The following CLEC12B variants were observed in gnomAD, a reference collection of about 807,000 sequenced individuals.
CLEC12B encodes macrophage antigen h.
A neutral mutation model predicts 36.1 loss-of-function variants in CLEC12B; 25 were observed. The observed-to-expected ratio is 0.69, with a 90% confidence interval of 0.50 to 0.97. The LOEUF (loss-of-function observed/expected upper bound fraction) is 0.97. Ranked by LOEUF, CLEC12B falls within the 50% of genes least tolerant of loss-of-function variation. The pLI is 0.00. For synonymous variants in CLEC12B, 110 were observed against 108.5 expected, an observed-to-expected ratio of 1.01 and a Z score of -0.09; for missense variants, 325 against 318.4, an observed-to-expected ratio of 1.02 and a Z score of -0.16.
Position 10,018,751 on chromosome 12 carries a change from G to T in CLEC12B, c.*270G>T. The T allele has an allele frequency of 2.8e-6, 1 of 359,528 alleles. No homozygotes were observed. The highest frequency in any genetic ancestry group is 5.0e-6 in the Non-Finnish European group (1 of 201,250). The allele number at this position is 359,528 out of a possible 1,614,324, so 22.3% of individuals were successfully genotyped here. ...ATGATTGTCTCAGAATCATTTCACTGAATTTCTTTGCTTTCTCAAATAAAG... is the reference window on the plus strand; with the variant it reads ...ATGATTGTCTCAGAATCATTTCACTTAATTTCTTTGCTTTCTCAAATAAAG... On this transcript the variant is annotated 3_prime_UTR_variant, in exon 6 of 6. Coordinates refer to ENST00000338896, the MANE Select transcript of CLEC12B (RefSeq NM_001129998.3).
At chr12:10,010,218 A>T (rs925968376), upstream of CLEC12B, among the ~76,000 whole-genome samples, 1 of 151,664 alleles carries the variant, frequency 6.6e-6, no homozygotes, top group Non-Finnish European at 1.5e-5. Context: ...ACACACACAC[A>T]CACACACACA....
In CLEC12B at chr12:10,015,722, A is replaced by G. The variant is rs1865469748; in HGVS notation, c.675A>G (p.Pro225=). Residue 225 remains proline, a synonymous_variant, in exon 5 of 6, where the codon CCA becomes CCG. Transcript: ENST00000338896. ...WFWEDGSVPS[P]SLFSTKELDQ... is the part of the protein sequence containing the mutation. ...GGGAAGATGGCTCTGTTCCCTCTCC[A>G]TCCTTGTACGTCTCTAACTATTGAG... 2.5e-6 allele frequency: 4 copies of G among 1,613,446 alleles called. No individual in the cohort carries two copies. The highest frequency in any genetic ancestry group is 3.3e-5 in the Admixed American group (2 of 59,960).
intron 5 of CLEC12B, 21 bp downstream of exon 5, chr12:10,015,748 G>T (rs1865470904): frequency 6.2e-7 from 1 of 1,607,768 alleles, no homozygotes; most frequent in African/African-American, 1.3e-5. Context: ...AACTATTGAG[G>T]GTAAACACAA....
At chr12:10,014,411 C>T (rs1865420024) in intron 2 of CLEC12B, 112 bp from the exon 3 acceptor site, 9 of 716,902 alleles carry the variant, frequency 1.3e-5, no homozygotes, top group Non-Finnish European at 2.1e-5. Flanking sequence ...ACCTCAAATA[C>T]TAAGAGCTAC....
At chr12:10,017,710 A>G (rs1297907289) in intron 5 of CLEC12B, 2 of 925,178 alleles carry the variant, frequency 2.2e-6, no homozygotes, top group East Asian at 2.3e-4. Context: ...ATTTAGAAAA[A>G]AACAATGTTG....
intron 5 of CLEC12B, chr12:10,017,671 G>C (rs187604898): frequency 1.0e-6 from 1 of 974,504 alleles, no homozygotes; most frequent in Non-Finnish European, 1.2e-6. Context: ...CCTGAAGCAA[G>C]CAAAGAATAT....
chr12:10,012,926 C>T (rs1865368561), intron 2 of CLEC12B, 43 bp downstream of exon 2: 1 of 1,390,716 alleles, frequency 7.2e-7, no homozygotes, highest in Admixed American at 1.7e-5. Context: ...AACTAGAAAA[C>T]ATATTGTAAA....
rs112551662 is a variant in CLEC12B at position 10,010,705 on chromosome 12, G to A, written c.-55G>A. The A allele has an allele frequency of 2.6e-6, 3 of 1,172,552 alleles. No homozygotes were observed. The highest frequency in any genetic ancestry group is 3.8e-6 in the Non-Finnish European group (3 of 797,272). 72.6% of individuals were successfully genotyped at this position (1,172,552 alleles called of 1,614,324 possible). ...CTTGAAAAACACATGCTGTTCCCAGGCCTCAAGATATTGAAACATTAATTA... is the reference window on the plus strand; with the variant it reads ...CTTGAAAAACACATGCTGTTCCCAGACCTCAAGATATTGAAACATTAATTA... On this transcript the variant is annotated 5_prime_UTR_variant, in exon 1 of 6. Transcript: ENST00000338896.
At position 10,018,357 on chromosome 12, in the gene CLEC12B, T is replaced by C. The variant is rs1865538090; in HGVS notation, c.707T>C (p.Ile236Thr). The C allele has an allele frequency of 6.6e-7, 1 of 1,513,454 alleles. No individual in the cohort carries two copies. The allele number at this position is 1,513,454 out of a possible 1,614,324, so 93.8% of individuals were successfully genotyped here. ...TTTAGTACTAAAGAACTTGACCAGA[T>C]CAATGGATCCAAAGGATGTGCTTAT... is the stretch of plus-strand genomic sequence containing the variant. The part of the protein sequence containing the change: ...SLFSTKELDQ[I>T]NGSKGCAYFQ... The change falls in exon 6 of 6, where the codon ATC becomes ACC. Residue 236 changes from isoleucine (I) to threonine (T), a missense_variant. Transcript: ENST00000338896.
At chr12:10,012,977 C>T (rs1865370629) in intron 2 of CLEC12B, 94 bp downstream of exon 2, 2 of 887,020 alleles carry the variant, frequency 2.3e-6, no homozygotes, top group Admixed American at 1.8e-5. Context: ...GTCCTAGCAT[C>T]CTGAATCGTC....
At chr12:10,018,209 G>A (rs1216662929) in intron 5 of CLEC12B, 122 bp from the exon 6 acceptor site, 4 of 703,858 alleles carry the variant, frequency 5.7e-6, no homozygotes, top group African/African-American at 5.6e-5. Flanking sequence ...TTGAAGCTTT[G>A]TGGAGGCAGA....
chr12:10,015,387 TAGAC>T lies in CLEC12B; in HGVS notation c.548_551del (p.Asp183ValfsTer87). 6.2e-7 allele frequency: 1 copy of T among 1,612,430 alleles called. No homozygotes were observed. The highest frequency in any genetic ancestry group is 1.1e-5 in the South Asian group (1 of 90,986). Reference sequence around the variant, plus strand: ...GACAAGAACTCCACCCTAGTGAAGATAGACAGTTTGGAAGAAAAGGTAGGATTGA... The same window carrying T: ...GACAAGAACTCCACCCTAGTGAAGATAGTTTGGAAGAAAAGGTAGGATTGA... On this transcript the variant is annotated frameshift_variant, in exon 4 of 6. Transcript: ENST00000338896. LOFTEE classifies it high-confidence loss of function.
At chr12:10,006,751 T>C (rs527931125), upstream of CLEC12B, among the ~76,000 whole-genome samples, 2 of 152,194 alleles carry the variant, frequency 1.3e-5, no homozygotes, top group East Asian at 1.9e-4. Flanking sequence ...AGCAGGAGTG[T>C]TTTTTAGAAA....
At chr12:10,008,990 C>T (rs892989526), upstream of CLEC12B, among the ~76,000 whole-genome samples, 1 of 152,030 alleles carries the variant, frequency 6.6e-6, no homozygotes, top group South Asian at 2.1e-4. Flanking sequence ...ATCAGTGCCA[C>T]GTAAAACGCA....
chr12:10,017,897 C>CT, intron 5 of CLEC12B: 1 of 959,872 alleles, frequency 1.0e-6, no homozygotes, highest in Non-Finnish European at 1.2e-6. Flanking sequence ...ATATGTATAA[C>CT]TATGTGAAAA....
chr12:10,017,759 T>C (rs1232576358), intron 5 of CLEC12B: 3 of 880,570 alleles, frequency 3.4e-6, no homozygotes, highest in Non-Finnish European at 2.7e-6. Context: ...TATAATTTTC[T>C]AAAGACATTA....
rs1865314755 is a variant in CLEC12B, at chr12:10,010,975, T to C, written c.91+125T>C. 5 of 596,138 alleles carry C rather than the reference T, an allele frequency of 8.4e-6. No homozygotes were observed. The East Asian group carries it at 1.2e-4, about 14-fold the overall frequency. 36.9% of individuals were successfully genotyped at this position (596,138 alleles called of 1,614,324 possible). On this transcript the variant is annotated intron_variant, in intron 1 of 5. Transcript: ENST00000338896. The stretch of plus-strand genomic sequence containing the variant: ...GTGAAATCTCCAAAATGGGGACAAA[T>C]AGTTGTGGAATGTATTAGAAAAGTG...
chr12:10,013,606 T>G lies in CLEC12B; in HGVS notation c.190+723T>G, dbSNP rs532609912. Reference sequence around the variant, plus strand: ...AGTATATGGTATACAGAGTAGTGAATTGGCATGGTATTCGCTTACAGGGAA... The same window carrying G: ...AGTATATGGTATACAGAGTAGTGAAGTGGCATGGTATTCGCTTACAGGGAA... On this transcript the variant is annotated intron_variant, in intron 2 of 5. Coordinates refer to ENST00000338896, the MANE Select transcript of CLEC12B (RefSeq NM_001129998.3). Among the ~76,000 whole-genome samples, 4 of 152,268 alleles carry G rather than the reference T, an allele frequency of 2.6e-5. No individual in the cohort carries two copies. In the East Asian group the frequency reaches 7.7e-4, roughly 29 times the overall value.
At chr12:10,006,709 G>C (rs912632860), upstream of CLEC12B, among the ~76,000 whole-genome samples, 9 of 152,132 alleles carry the variant, frequency 5.9e-5, no homozygotes, top group African/African-American at 2.2e-4. Context: ...ACTAGCCATT[G>C]GATGTGTTTA....
Sources: gnomAD v4.1 joint callset for allele counts (sites outside exome capture counted in the v4.1 genomes callset) on GRCh38, gnomAD v4.1.1 for gene constraint, MANE v1.5 for transcripts, NCBI Gene and HGNC (gene_info 2026-07-23, HGNC 2026-07-21) for gene names.